The following NLK variants were observed in gnomAD, a reference collection of about 807,000 sequenced individuals.
NLK encodes serine/threonine-protein kinase NLK.
A neutral mutation model predicts 59.0 loss-of-function variants in NLK; 11 were observed. The ratio of observed to expected loss-of-function variants is 0.19; its 90% CI spans 0.12 to 0.31. The LOEUF is 0.31. NLK is among the 10% of genes least tolerant of loss of function. NLK has a pLI of 1.00. For synonymous variants in NLK, 235 were observed against 235.9 expected, an observed-to-expected ratio of 1.00 and a Z score of 0.03; for missense variants, 410 against 661.1, an observed-to-expected ratio of 0.62 and a Z score of 4.16.
chr17:28,100,562 G>T (rs999229648), intron 1 of NLK, among the ~76,000 whole-genome samples: 5 of 152,132 alleles, frequency 3.3e-5, no homozygotes, highest in Admixed American at 2.6e-4. Flanking sequence ...ATAAAGTGTG[G>T]AGACCTTCCC....
chr17:28,150,171 G>A (rs537523546), intron 3 of NLK, among the ~76,000 whole-genome samples: 1 of 152,316 alleles, frequency 6.6e-6, no homozygotes, highest in East Asian at 1.9e-4. Context: ...CAGCTATAAA[G>A]TAGGTGTTAT....
chr17:28,133,525 C>G (rs1906608758), intron 3 of NLK, among the ~76,000 whole-genome samples: 1 of 152,078 alleles, frequency 6.6e-6, no homozygotes, highest in Non-Finnish European at 1.5e-5. Flanking sequence ...GGTGATAGCT[C>G]CATGGTAATA....
intron 7 of NLK, among the ~76,000 whole-genome samples, chr17:28,174,016 A>G (rs1908574819): frequency 6.6e-6 from 1 of 152,170 alleles, no homozygotes; most frequent in East Asian, 1.9e-4. Context: ...GAGTTGCTAA[A>G]CAGCAGCCTG....
At chr17:28,055,166 C>T (rs1004060154) in intron 1 of NLK, among the ~76,000 whole-genome samples, 1 of 148,998 alleles carries the variant, frequency 6.7e-6, no homozygotes, top group Non-Finnish European at 1.5e-5. Flanking sequence ...GATCTTGGCT[C>T]ACTGCAGCCT....
At chr17:28,110,332 T>G (rs556814241) in intron 1 of NLK, among the ~76,000 whole-genome samples, 1 of 152,176 alleles carries the variant, frequency 6.6e-6, no homozygotes, top group Non-Finnish European at 1.5e-5. Flanking sequence ...TTCCACTGCC[T>G]TTGACTTCCA....
At chr17:28,151,678 T>G (rs1162107613) in intron 3 of NLK, among the ~76,000 whole-genome samples, 3 of 152,176 alleles carry the variant, frequency 2.0e-5, no homozygotes, top group Non-Finnish European at 4.4e-5. Flanking sequence ...TTCCAGTTAA[T>G]TAAAGTTAAT....
At chr17:28,105,606 T>G (rs73989104) in intron 1 of NLK, among the ~76,000 whole-genome samples, 1,655 of 152,330 alleles carry the variant, frequency 0.011, 30 homozygotes, top group African/African-American at 0.038. Context: ...TGGGAAAAAG[T>G]AAGTTTCATT....
chr17:28,091,375 A>T (rs1014411773), intron 1 of NLK, among the ~76,000 whole-genome samples: 7 of 152,040 alleles, frequency 4.6e-5, no homozygotes, highest in Non-Finnish European at 1.0e-4. Context: ...TCTTAATAAA[A>T]TGTATCTGAA....
chr17:28,132,777 TC>T lies in NLK; in HGVS notation c.644+104del, dbSNP rs1280390082. On this transcript the variant is annotated intron_variant, in intron 3 of 10. Coordinates refer to ENST00000407008, the MANE Select transcript of NLK (RefSeq NM_016231.5). ...ATGCCTTCAAGTATTTTAAATCTCATCCTTGCAGAAGTGATTGAGTACCTGG... is the reference window on the plus strand; with the variant it reads ...ATGCCTTCAAGTATTTTAAATCTCATCTTGCAGAAGTGATTGAGTACCTGG... 4 of 988,856 alleles carry T rather than the reference TC, an allele frequency of 4.0e-6. No homozygotes were observed. In the East Asian group the frequency reaches 1.1e-4, roughly 26 times the overall value. 61.3% of individuals were successfully genotyped at this position (988,856 alleles called of 1,614,324 possible).
At chr17:28,044,291 G>A (rs965582822) in intron 1 of NLK, among the ~76,000 whole-genome samples, 2 of 152,152 alleles carry the variant, frequency 1.3e-5, no homozygotes, top group Non-Finnish European at 2.9e-5. Context: ...GATATTTTCA[G>A]TGCATTCAAA....
chr17:28,176,742 A>G (rs1374825894), intron 7 of NLK, among the ~76,000 whole-genome samples: 1 of 152,222 alleles, frequency 6.6e-6, no homozygotes, highest in African/African-American at 2.4e-5. Flanking sequence ...GTTATCTGCA[A>G]CTACCACCCC....
the NLK span, among the ~76,000 whole-genome samples, chr17:28,205,933 A>G: frequency 6.6e-6 from 1 of 152,200 alleles, no homozygotes; most frequent in Non-Finnish European, 1.5e-5. Flanking sequence ...GTGCTCTTTT[A>G]GATACACACA....
chr17:28,112,264 A>G (rs1597687979), intron 1 of NLK, among the ~76,000 whole-genome samples: 3 of 151,992 alleles, frequency 2.0e-5, no homozygotes, highest in African/African-American at 7.2e-5. Context: ...GTTCTTTTCT[A>G]GTTGAGTTTA....
chr17:28,184,924 G>T (rs1909058240), intron 7 of NLK, among the ~76,000 whole-genome samples: 1 of 152,012 alleles, frequency 6.6e-6, no homozygotes. Flanking sequence ...CCCTAGCCTG[G>T]GTGAGAGAGC....
At chr17:28,136,601 CTTTGT>C (rs563211560) in intron 3 of NLK, among the ~76,000 whole-genome samples, 31 of 152,042 alleles carry the variant, frequency 2.0e-4, no homozygotes, top group African/African-American at 7.0e-4. Flanking sequence ...TTTCCATGTC[CTTTGT>C]TTTGTTTTGT....
At position 28,150,405 on chromosome 17, in the gene NLK, G is replaced by A. The variant is rs111568971; in HGVS notation, c.645-10755G>A. Among the ~76,000 whole-genome samples, 5 of 152,278 alleles carry A rather than the reference G, an allele frequency of 3.3e-5. 1 individual carries two copies. Among genetic ancestry groups the A allele is most frequent in the African/African-American group, 1.2e-4 (5 of 41,562 alleles). ...AAACAGCTTGGTGGGAGTGGAGAGA[G>A]CACTAGACTAGGAGTCAGGAAACCT... On this transcript the variant is annotated intron_variant, in intron 3 of 10. Coordinates refer to ENST00000407008, the MANE Select transcript of NLK (RefSeq NM_016231.5).
intron 2 of NLK, among the ~76,000 whole-genome samples, chr17:28,130,348 C>T (rs1906466445): frequency 6.6e-6 from 1 of 152,080 alleles, no homozygotes; most frequent in Non-Finnish European, 1.5e-5. Flanking sequence ...GTTTTTACCA[C>T]CTAGAAGCAC....
chr17:28,076,795 CAG>C (rs1910172811), intron 1 of NLK, among the ~76,000 whole-genome samples: 1 of 152,070 alleles, frequency 6.6e-6, no homozygotes, highest in African/African-American at 2.4e-5. Flanking sequence ...TTGGTTCATG[CAG>C]TTTTTTAAAC....
At chr17:28,127,910 A>G (rs1057086342) in intron 2 of NLK, among the ~76,000 whole-genome samples, 3 of 152,192 alleles carry the variant, frequency 2.0e-5, no homozygotes, top group African/African-American at 7.2e-5. Flanking sequence ...AGCCAGAACA[A>G]GGATAGACAG....
Sources: gnomAD v4.1 joint callset for allele counts (sites outside exome capture counted in the v4.1 genomes callset) on GRCh38, gnomAD v4.1.1 for gene constraint, MANE v1.5 for transcripts, NCBI Gene and HGNC (gene_info 2026-07-23, HGNC 2026-07-21) for gene names.